The following AXIN1 variants were observed in gnomAD, a reference collection of about 807,000 sequenced individuals.
AXIN1 encodes axin-1.
In AXIN1, 30 loss-of-function variants were observed where a neutral mutation model predicts 76.4. The ratio of observed to expected loss-of-function variants is 0.39; its 90% CI spans 0.29 to 0.53. The LOEUF is 0.53. AXIN1 is among the 20% of genes least tolerant of loss of function. The pLI, the probability that AXIN1 is intolerant of heterozygous loss-of-function variation, is 0.66. For missense variants in AXIN1, 1,140 were observed against 1,198.8 expected, an observed-to-expected ratio of 0.95 and a Z score of 0.72; for synonymous variants, 545 against 501.4, an observed-to-expected ratio of 1.09 and a Z score of -1.16.
intron 10 of AXIN1, among the ~76,000 whole-genome samples, chr16:288,979 G>C (rs186567621): frequency 7.2e-4 from 110 of 152,362 alleles, no homozygotes; most frequent in Middle Eastern, 3.4e-3. Context: ...TCTCAGTCCT[G>C]TGGGGCCGAA....
Position 297,992 on chromosome 16 carries a change from G to A in AXIN1, c.1514C>T (p.Ala505Val), listed in dbSNP as rs2052763529. Reference sequence around the variant, plus strand: ...GTGCCCCGAGGCGGCACCCCCCAGTGCCACTGGCATCTTGGCCACGTGCCC... The same window carrying A: ...GTGCCCCGAGGCGGCACCCCCCAGTACCACTGGCATCTTGGCCACGTGCCC... The part of the protein sequence containing the change: ...DSGHVAKMPV[A>V]LGGAASGHGK... The change falls in exon 6 of 11, where the codon GCA (alanine) becomes GTA (valine). Residue 505 changes from alanine (A) to valine (V), a missense_variant. By Grantham distance (64) the Ala-to-Val change is moderately conservative. This residue lies in a region of AXIN1 where 708 missense variants were observed against 776.9 expected (regional missense o/e 0.91). Transcript: ENST00000262320. 1.2e-6 allele frequency: 2 copies of A among 1,601,174 alleles called. No homozygotes were observed. Among genetic ancestry groups the A allele is most frequent in the African/African-American group, 2.7e-5 (2 of 74,890 alleles).
At chr16:292,713 C>T (rs995955295) in intron 8 of AXIN1, 10 of 152,220 alleles carry the variant, frequency 6.6e-5, no homozygotes, top group African/African-American at 2.4e-4. Context: ...CCAGGATGGC[C>T]GAGAAAACTG....
rs1242700674 is a variant in AXIN1 at position 346,136 on chromosome 16, C to T, written c.878+12G>A. 5 of 1,612,280 alleles carry T rather than the reference C, an allele frequency of 3.1e-6. No homozygotes were observed. Among genetic ancestry groups the T allele is most frequent in the Non-Finnish European group, 4.2e-6 (5 of 1,179,300 alleles). ...GTGAGTACAGAAAGTGGACGCCTGGCGTCGGACTCACCTGAACTCTCTGCC... is the reference window on the plus strand; with the variant it reads ...GTGAGTACAGAAAGTGGACGCCTGGTGTCGGACTCACCTGAACTCTCTGCC... On this transcript the variant is annotated intron_variant, in intron 2 of 10. Coordinates refer to ENST00000262320, the MANE Select transcript of AXIN1 (RefSeq NM_003502.4).
chr16:315,717 A>T (rs2053284638), intron 2 of AXIN1, among the ~76,000 whole-genome samples: 1 of 151,946 alleles, frequency 6.6e-6, no homozygotes, highest in Admixed American at 6.6e-5. Flanking sequence ...GTCCCAGACT[A>T]CTTCGGAGGC....
rs139869078 is a variant in AXIN1 at position 338,059 on chromosome 16, G to A, written c.878+8089C>T. On this transcript the variant is annotated intron_variant, in intron 2 of 10. Transcript: ENST00000262320. ...CCCTCCACACGCACAAGTAGGCAGC[G>A]GAGGGGCCCAAGAAAGAGCCAACAG... Among the ~76,000 whole-genome samples the A allele has an allele frequency of 5.7e-3, 874 of 152,304 alleles. 6 individuals carry two copies. The highest frequency in any genetic ancestry group is 0.019 in the African/African-American group (800 of 41,570).
At chr16:326,369 A>ATT (rs1567292723) in intron 2 of AXIN1, among the ~76,000 whole-genome samples, 4,517 of 98,530 alleles carry the variant, frequency 0.046, 156 homozygotes, top group Non-Finnish European at 0.058. Flanking sequence ...AAAAAAAAAA[A>ATT]AAAATATATA....
At chr16:303,485 G>A (rs2052931236) in intron 5 of AXIN1, among the ~76,000 whole-genome samples, 2 of 151,956 alleles carry the variant, frequency 1.3e-5, no homozygotes, top group African/African-American at 4.8e-5. Flanking sequence ...GGGTTCAAGC[G>A]ATTCTCCAGC....
chr16:309,516 G>A (rs2053119027), intron 4 of AXIN1, among the ~76,000 whole-genome samples: 1 of 152,170 alleles, frequency 6.6e-6, no homozygotes, highest in South Asian at 2.1e-4. Flanking sequence ...ATTATTCTAT[G>A]CAACAGCGAA....
chr16:319,413 G>A (rs8064205), intron 2 of AXIN1, among the ~76,000 whole-genome samples: 83,841 of 152,072 alleles, frequency 0.55, 24,432 homozygotes, highest in African/African-American at 0.74. Context: ...AAGTCCAGTG[G>A]AGCGGTGAGG....
chr16:315,379 T>G (rs1349594027), intron 2 of AXIN1, among the ~76,000 whole-genome samples: 1 of 152,222 alleles, frequency 6.6e-6, no homozygotes, highest in African/African-American at 2.4e-5. Flanking sequence ...TTCTATGGGG[T>G]GGATTATGAG....
In AXIN1 at chr16:287,971, A is replaced by G. The variant is rs1596955823; in HGVS notation, c.*151T>C. On this transcript the variant is annotated 3_prime_UTR_variant, in exon 11 of 11. Transcript: ENST00000262320. Reference sequence around the variant, plus strand: ...TGTGGACCACTTGGAGGGACCCCCTACCTGCCTCTAGACACGGGTAGACCA... The same window carrying G: ...TGTGGACCACTTGGAGGGACCCCCTGCCTGCCTCTAGACACGGGTAGACCA... 3.0e-6 allele frequency: 4 copies of G among 1,336,572 alleles called. No homozygotes were observed. Among genetic ancestry groups the G allele is most frequent in the Admixed American group, 3.4e-5 (2 of 59,022 alleles). The allele number at this position is 1,336,572 out of a possible 1,614,324, so 82.8% of individuals were successfully genotyped here.
intron 2 of AXIN1, among the ~76,000 whole-genome samples, chr16:329,639 G>A (rs929971620): frequency 8.0e-5 from 12 of 150,414 alleles, no homozygotes; most frequent in Admixed American, 2.0e-4. Context: ...TTTTTGAGAC[G>A]GAGTCTCGCT....
At chr16:335,086 A>C (rs1215125636) in intron 2 of AXIN1, among the ~76,000 whole-genome samples, 1 of 152,212 alleles carries the variant, frequency 6.6e-6, no homozygotes, top group Non-Finnish European at 1.5e-5. Flanking sequence ...TGGACACATA[A>C]CAAAGCCAAA....
At chr16:335,765 CAT>C (rs1201251705) in intron 2 of AXIN1, among the ~76,000 whole-genome samples, 9 of 152,278 alleles carry the variant, frequency 5.9e-5, no homozygotes, top group East Asian at 5.8e-4. Flanking sequence ...CTTCAGGACA[CAT>C]GTCTTCCAGA....
Position 297,925 on chromosome 16 carries a change from G to A in AXIN1, c.1581C>T (p.Ala527=), listed in dbSNP as rs780074699. The A allele has an allele frequency of 1.3e-5, 20 of 1,599,218 alleles. No individual in the cohort carries two copies. The highest frequency in any genetic ancestry group is 5.0e-5 in the Admixed American group (3 of 59,686). Residue 527 remains alanine (A), a synonymous_variant, in exon 6 of 11, where the codon GCC becomes GCT. Coordinates refer to ENST00000262320, the MANE Select transcript of AXIN1 (RefSeq NM_003502.4). ...GGACGTGTCGGTGGTGGTGCAGGCC[G>A]GCCGCGTCCAGCTTCGCCCCTGACT... ...VPKSGAKLDA[A]GLHHHRHVHH...
chr16:336,565 T>C (rs1355836563), intron 2 of AXIN1, among the ~76,000 whole-genome samples: 3 of 152,278 alleles, frequency 2.0e-5, no homozygotes, highest in Non-Finnish European at 4.4e-5. Flanking sequence ...CTCACACCTG[T>C]AATCCCAGCA....
chr16:317,796 C>CT (rs1167681719), intron 2 of AXIN1, among the ~76,000 whole-genome samples: 3 of 152,230 alleles, frequency 2.0e-5, no homozygotes, highest in Admixed American at 2.0e-4. Flanking sequence ...TGCTCAGCAG[C>CT]TACTGATATT....
chr16:320,304 C>T lies in AXIN1; in HGVS notation c.879-5621G>A, dbSNP rs368811455. On this transcript the variant is annotated intron_variant, in intron 2 of 10. Transcript: ENST00000262320. ...CAAGTCATCTGCCCACCTCGGTGTC[C>T]GAATGTGCTGGGATTACAGGCATGA... 6.6e-5 allele frequency among the ~76,000 whole-genome samples: 10 copies of T among 152,178 alleles called. No individual in the cohort carries two copies. In the East Asian group the frequency reaches 1.2e-3, roughly 18 times the overall value.
chr16:303,721 T>C (rs770600039), intron 5 of AXIN1, among the ~76,000 whole-genome samples: 33 of 152,274 alleles, frequency 2.2e-4, no homozygotes, highest in East Asian at 1.9e-4. Context: ...ACTCTGTCCT[T>C]CTCACCCTTC....
Sources: gnomAD v4.1 joint callset for allele counts (sites outside exome capture counted in the v4.1 genomes callset) on GRCh38, gnomAD v4.1.1 for gene constraint, gnomAD v4.1.1 regional missense constraint, MANE v1.5 for transcripts, NCBI Gene and HGNC (gene_info 2026-07-23, HGNC 2026-07-21) for gene names.